Variants in SLC25A16 observed in about 807,000 individuals in gnomAD.
SLC25A16 encodes the protein solute carrier family 25 member 16.
Under a neutral mutation model 41.5 loss-of-function variants are expected in SLC25A16, and 39 were observed. The ratio of observed to expected loss-of-function variants is 0.94; its 90% CI spans 0.73 to 1.23. The LOEUF (loss-of-function observed/expected upper bound fraction) is 1.23. Ranked by LOEUF, SLC25A16 falls within the 50% of genes most tolerant of loss-of-function variation. The probability of loss-of-function intolerance (pLI) is 0.00; values close to 1 mark genes in which losing one functional copy is unlikely to be tolerated. For missense variants in SLC25A16, 421 were observed against 426.9 expected (o/e 0.99, Z 0.12); for synonymous variants, 146 against 147.8 (o/e 0.99, Z 0.09).
In SLC25A16 at chr10:68,479,341, G is replaced by A. The variant is rs979375020; in HGVS notation, c.*4091C>T. The A allele has an allele frequency of 2.0e-5, 3 of 152,152 alleles. No individual in the cohort carries two copies. Among genetic ancestry groups the A allele is most frequent in the African/African-American group, 7.2e-5 (3 of 41,422 alleles). 9.4% of individuals were successfully genotyped at this position (152,152 alleles called of 1,614,324 possible). Reference sequence around the variant, plus strand: ...CTGATAAACAGGCAGTTAGCAGAAAGTGTGGCACATACTCTATTAGAGAAA... The same window carrying A: ...CTGATAAACAGGCAGTTAGCAGAAAATGTGGCACATACTCTATTAGAGAAA... On this transcript the variant is annotated 3_prime_UTR_variant, in exon 9 of 9. Transcript: ENST00000609923.
At chr10:68,498,613 T>C (rs1404582454) in intron 4 of SLC25A16, among the ~76,000 whole-genome samples, 4 of 152,186 alleles carry the variant, frequency 2.6e-5, no homozygotes, top group African/African-American at 9.7e-5. Context: ...GGAGGACTGC[T>C]TGAGCCCAAG....
chr10:68,489,988 T>G (rs935635791), intron 6 of SLC25A16, among the ~76,000 whole-genome samples: 51 of 152,030 alleles, frequency 3.4e-4, no homozygotes, highest in African/African-American at 1.2e-3. Flanking sequence ...GTAGCCCATG[T>G]GGCAGCTCAC....
chr10:68,506,845 A>G (rs1490826790), intron 2 of SLC25A16, 127 bp from the exon 3 acceptor site: 1 of 533,390 alleles, frequency 1.9e-6, no homozygotes, highest in Admixed American at 3.9e-5. Flanking sequence ...GATTACATGA[A>G]TAGTAATTTC....
chr10:68,511,527 G>A (rs1316827389), intron 2 of SLC25A16, among the ~76,000 whole-genome samples: 2 of 152,122 alleles, frequency 1.3e-5, no homozygotes, highest in Non-Finnish European at 1.5e-5. Context: ...ACGGGGAGGA[G>A]GTTAAAGGAA....
intron 1 of SLC25A16, among the ~76,000 whole-genome samples, chr10:68,520,411 C>G (rs1486266868): frequency 6.6e-6 from 1 of 152,106 alleles, no homozygotes; most frequent in East Asian, 1.9e-4. Context: ...CACAATGGCT[C>G]ATGCCTATAA....
intron 3 of SLC25A16, 147 bp downstream of exon 3, chr10:68,506,436 CTG>C: frequency 1.9e-6 from 1 of 531,000 alleles, no homozygotes; most frequent in South Asian, 3.8e-5. Context: ...CAGCGAGACT[CTG>C]TCTCAAAAAT....
chr10:68,516,810 G>A lies in SLC25A16; in HGVS notation c.164C>T (p.Ala55Val), dbSNP rs956314073. Reference sequence around the variant, plus strand: ...TAAAACCTTTACTCGATCCAATGGAGCAACTGTTGTTTTGGCACAGCATCC... The same window carrying A: ...TAAAACCTTTACTCGATCCAATGGAACAACTGTTGTTTTGGCACAGCATCC... ...IAGCCAKTTV[A>V]PLDRVKVLLQ... The change falls in exon 2 of 9, where the codon GCT becomes GTT. Residue 55 changes from alanine (A) to valine (V), a missense_variant. Physicochemically the swap from Ala to Val is moderately conservative, Grantham distance 64. Coordinates refer to ENST00000609923, the MANE Select transcript of SLC25A16 (RefSeq NM_152707.4). 4 of 1,613,214 alleles carry A rather than the reference G, an allele frequency of 2.5e-6. No individual in the cohort carries two copies. Among genetic ancestry groups the A allele is most frequent in the Admixed American group, 1.7e-5 (1 of 59,886 alleles).
chr10:68,487,173 T>A lies in SLC25A16; in HGVS notation c.813A>T (p.Gly271=). 1 of 1,613,530 alleles carries A rather than the reference T, an allele frequency of 6.2e-7. No individual in the cohort carries two copies. The highest frequency in any genetic ancestry group is 1.1e-5 in the South Asian group (1 of 91,058). The change falls in exon 8 of 9, where the codon GGA becomes GGT. Residue 271 remains glycine (G), a synonymous_variant. Coordinates refer to ENST00000609923, the MANE Select transcript of SLC25A16 (RefSeq NM_152707.4). ...FDVTRRRMQL[G]TVLPEFEKCL... is the part of the protein sequence containing the mutation. ...ACTTTTCAAATTCCGGCAGAACAGTTCCTAATTGCATTCGCCGACGAGTCA... is the reference window on the plus strand; with the variant it reads ...ACTTTTCAAATTCCGGCAGAACAGTACCTAATTGCATTCGCCGACGAGTCA...
intron 6 of SLC25A16, 117 bp downstream of exon 6, chr10:68,493,015 T>C (rs549868006): frequency 9.8e-5 from 66 of 672,236 alleles, no homozygotes; most frequent in South Asian, 7.6e-4. Flanking sequence ...CATAAATCAT[T>C]TCTTATTAAA....
intron 1 of SLC25A16, among the ~76,000 whole-genome samples, chr10:68,522,521 A>G (rs2053265858): frequency 6.6e-6 from 1 of 152,144 alleles, no homozygotes; most frequent in Non-Finnish European, 1.5e-5. Flanking sequence ...CTCCACTGAA[A>G]ATACAAAAAT....
At chr10:68,506,191 T>TTAC (rs1366685551) in intron 3 of SLC25A16, among the ~76,000 whole-genome samples, 1 of 152,196 alleles carries the variant, frequency 6.6e-6, no homozygotes, top group African/African-American at 2.4e-5. Flanking sequence ...CTTTTTGGCC[T>TTAC]GGTACCATGG....
chr10:68,497,689 T>C (rs888206548), intron 4 of SLC25A16, among the ~76,000 whole-genome samples: 1 of 151,308 alleles, frequency 6.6e-6, no homozygotes, highest in African/African-American at 2.4e-5. Flanking sequence ...TGATCTCAGC[T>C]CATTGAAACC....
chr10:68,504,017 C>CTTTTTT lies in SLC25A16; in HGVS notation c.358-328_358-323dup, dbSNP rs148285905. On this transcript the variant is annotated intron_variant, in intron 3 of 8. Transcript: ENST00000609923. ...TGGGGGTAGTAGGAATAAACTGCTA[C>CTTTTTT]TTTTTTTTTTTTTTTTTTTTTTTTT... Among the ~76,000 whole-genome samples the CTTTTTT allele has an allele frequency of 4.2e-4, 30 of 70,870 alleles. 5 individuals are homozygous for CTTTTTT. The highest frequency in any genetic ancestry group is 1.6e-3 in the African/African-American group (28 of 17,614). 46.5% of individuals were successfully genotyped at this position (70,870 alleles called of 152,430 possible). A position where few individuals can be genotyped will look rare whatever the true frequency, so the allele number is the denominator to read the frequency against.
Position 68,516,951 on chromosome 10 carries a change from T to C in SLC25A16, c.131-108A>G, listed in dbSNP as rs147900519. The C allele has an allele frequency of 8.6e-4, 887 of 1,026,770 alleles. 8 individuals carry two copies. The African/African-American group carries it at 0.013, about 15-fold the overall frequency. 63.6% of individuals were successfully genotyped at this position (1,026,770 alleles called of 1,614,324 possible). A position where few individuals can be genotyped will look rare whatever the true frequency, so the allele number is the denominator to read the frequency against. ...CCTCTAATCTCTAATTCAGTCTCCA[T>C]GAGTAAATCTGCCCACAGCGTATAG... On this transcript the variant is annotated intron_variant, in intron 1 of 8. Transcript: ENST00000609923.
chr10:68,521,128 G>A (rs1367005988), intron 1 of SLC25A16, among the ~76,000 whole-genome samples: 4 of 140,324 alleles, frequency 2.9e-5, no homozygotes, highest in Admixed American at 7.3e-5. Context: ...GTGAGACTCC[G>A]TCTCCAAAAA....
chr10:68,513,290 T>A (rs183937772), intron 2 of SLC25A16, among the ~76,000 whole-genome samples: 1 of 150,378 alleles, frequency 6.6e-6, no homozygotes, highest in African/African-American at 2.4e-5. Flanking sequence ...ATGCCTGTAG[T>A]CCCAGCTACA....
chr10:68,524,367 C>T (rs1290973541), intron 1 of SLC25A16, among the ~76,000 whole-genome samples: 1 of 137,936 alleles, frequency 7.2e-6, no homozygotes, highest in Non-Finnish European at 1.5e-5. Context: ...CATGGTAAAA[C>T]TTCGTCTCTA....
intron 1 of SLC25A16, among the ~76,000 whole-genome samples, chr10:68,525,902 C>T (rs927034678): frequency 1.3e-5 from 2 of 152,094 alleles, no homozygotes; most frequent in African/African-American, 4.8e-5. Context: ...TTGAAGGCAG[C>T]ATGCTCCTTA....
intron 2 of SLC25A16, among the ~76,000 whole-genome samples, chr10:68,514,269 G>A (rs2053120596): frequency 6.6e-6 from 1 of 152,026 alleles, no homozygotes; most frequent in Non-Finnish European, 1.5e-5. Context: ...GGCCGAGACG[G>A]GCAGATCACA....
Sources: gnomAD v4.1 joint callset for allele counts (sites outside exome capture counted in the v4.1 genomes callset) on GRCh38, gnomAD v4.1.1 for gene constraint, MANE v1.5 for transcripts, NCBI Gene and HGNC (gene_info 2026-07-23, HGNC 2026-07-21) for gene names.